COX10: variants seen among roughly 807,000 people sequenced by gnomAD.
The protein encoded by COX10 is protoheme IX farnesyltransferase, mitochondrial.
In COX10, 27 loss-of-function variants were observed where a neutral mutation model predicts 37.3. The observed-to-expected ratio is 0.72, with a 90% CI of 0.53 to 1.00. The LOEUF (loss-of-function observed/expected upper bound fraction) is 1.00. COX10 is among the 50% of genes least tolerant of loss of function. The pLI, the probability that COX10 is intolerant of heterozygous loss-of-function variation, is 0.00. For missense variants in COX10, 475 were observed against 563.2 expected (o/e 0.84, Z 1.59); for synonymous variants, 222 against 229.1 (o/e 0.97, Z 0.28).
At chr17:14,206,146 A>G (rs551370544) in intron 6 of COX10, among the ~76,000 whole-genome samples, 2 of 152,182 alleles carry the variant, frequency 1.3e-5, no homozygotes, top group African/African-American at 4.8e-5. Context: ...AAAGAGGTAA[A>G]CAGATCAGAG....
At chr17:14,141,239 A>AATAT (rs752602579) in intron 4 of COX10, among the ~76,000 whole-genome samples, 7 of 152,064 alleles carry the variant, frequency 4.6e-5, no homozygotes, top group Non-Finnish European at 7.4e-5. Flanking sequence ...TTATACCTAT[A>AATAT]AAGACTACCT....
intron 4 of COX10, among the ~76,000 whole-genome samples, chr17:14,139,196 C>CT (rs985077230): frequency 2.0e-4 from 31 of 151,704 alleles, no homozygotes; most frequent in Non-Finnish European, 3.1e-4. Flanking sequence ...TTGCTCTAGT[C>CT]TTTTTTTTAT....
At chr17:14,140,575 T>C (rs190401250) in intron 4 of COX10, among the ~76,000 whole-genome samples, 1 of 152,250 alleles carries the variant, frequency 6.6e-6, no homozygotes, top group East Asian at 1.9e-4. Flanking sequence ...GAGTTTCTTA[T>C]TGTCTTTCAT....
chr17:14,142,496 T>C (rs1904576332), intron 4 of COX10, among the ~76,000 whole-genome samples: 1 of 152,214 alleles, frequency 6.6e-6, no homozygotes. Flanking sequence ...TTAAAAATAT[T>C]TGCCTGCTTT....
chr17:14,144,143 A>C (rs1332085561), intron 4 of COX10, among the ~76,000 whole-genome samples: 2 of 152,124 alleles, frequency 1.3e-5, no homozygotes, highest in Non-Finnish European at 2.9e-5. Flanking sequence ...TTGTGACCAG[A>C]TGTATATTAT....
intron 4 of COX10, among the ~76,000 whole-genome samples, chr17:14,112,041 G>GC (rs1231216898): frequency 1.3e-5 from 2 of 152,136 alleles, no homozygotes; most frequent in Admixed American, 1.3e-4. Context: ...CTCTGATTGA[G>GC]CGCGTGGCTG....
At position 14,093,883 on chromosome 17, in the gene COX10, T is replaced by TA. The variant is rs1297619540; in HGVS notation, c.500-8234dup. 2.0e-5 allele frequency among the ~76,000 whole-genome samples: 3 copies of TA among 152,228 alleles called. No individual in the cohort carries two copies. The East Asian group carries it at 5.8e-4, about 29-fold the overall frequency. ...TTCTTTTTCTGAAAATGAGTCTTTGTAGTACTTACTAAAGAATATTCTGGC... is the reference window on the plus strand; with the variant it reads ...TTCTTTTTCTGAAAATGAGTCTTTGTAAGTACTTACTAAAGAATATTCTGGC... On this transcript the variant is annotated intron_variant, in intron 3 of 6. Transcript: ENST00000261643.
At chr17:14,104,112 C>T (rs1915841844) in intron 4 of COX10, among the ~76,000 whole-genome samples, 2 of 152,138 alleles carry the variant, frequency 1.3e-5, no homozygotes, top group African/African-American at 4.8e-5. Flanking sequence ...AGTTCCTCAT[C>T]AGTGCTTGTG....
In COX10 at chr17:14,207,101, G is replaced by A. The variant is rs779136126; in HGVS notation, c.1220G>A (p.Ser407Asn). Residue 407 changes from serine to asparagine, a missense_variant, in exon 7 of 7, where the codon AGC (serine) becomes AAC (asparagine). Ser to Asn is a conservative substitution (Grantham distance 46, BLOSUM62 1). Coordinates refer to ENST00000261643, the MANE Select transcript of COX10 (RefSeq NM_001303.4). The part of the protein sequence containing the change: ...FRFYVDADRR[S>N]SRRLFFCSLW... ...TTCTACGTGGACGCAGACCGCAGGA[G>A]CTCGCGGAGACTGTTCTTCTGCAGC... 6.2e-7 allele frequency: 1 copy of A among 1,613,816 alleles called. No individual in the cohort carries two copies. Among genetic ancestry groups the A allele is most frequent in the African/African-American group, 1.3e-5 (1 of 74,932 alleles).
chr17:14,094,813 C>G (rs1189332005), intron 3 of COX10, among the ~76,000 whole-genome samples: 1 of 152,140 alleles, frequency 6.6e-6, no homozygotes. Context: ...GCTTATTAAG[C>G]CCTTATTATT....
At chr17:14,184,813 G>A (rs538369885) in intron 5 of COX10, among the ~76,000 whole-genome samples, 1 of 151,288 alleles carries the variant, frequency 6.6e-6, no homozygotes, top group Admixed American at 6.6e-5. Flanking sequence ...AGCGTATGTA[G>A]CTTGGCCAGA....
rs79195936 is a variant in COX10 at position 14,126,009 on chromosome 17, C to T, written c.624+23767C>T. Among the ~76,000 whole-genome samples the T allele has an allele frequency of 2.4e-4, 36 of 152,228 alleles. 1 individual carries two copies. In the East Asian group the frequency reaches 6.8e-3, roughly 29 times the overall value. ...AAGTGTTTGCCACGGAGAACTCTCT[C>T]TGGGATAGTAAATGCTAATTCAGTG... is the stretch of plus-strand genomic sequence containing the variant. On this transcript the variant is annotated intron_variant, in intron 4 of 6. Coordinates refer to ENST00000261643, the MANE Select transcript of COX10 (RefSeq NM_001303.4).
At chr17:14,181,261 G>C (rs1177887913) in intron 5 of COX10, among the ~76,000 whole-genome samples, 1 of 152,198 alleles carries the variant, frequency 6.6e-6, no homozygotes, top group African/African-American at 2.4e-5. Flanking sequence ...CACGTTCACA[G>C]AATAGATCAG....
chr17:14,207,226 G>A lies in COX10; in HGVS notation c.*13G>A, dbSNP rs371047487. The A allele has an allele frequency of 1.9e-4, 300 of 1,568,060 alleles. No homozygotes were observed. The highest frequency in any genetic ancestry group is 2.4e-4 in the Non-Finnish European group (283 of 1,160,836). The stretch of plus-strand genomic sequence containing the variant: ...CCCTCCCAGCTGAGAGCACTGGGAC[G>A]CCCACCGCCCCTTTCCCTCCGCTGC... On this transcript the variant is annotated 3_prime_UTR_variant, in exon 7 of 7. Coordinates refer to ENST00000261643, the MANE Select transcript of COX10 (RefSeq NM_001303.4).
At chr17:14,094,145 A>T (rs1003060) in intron 3 of COX10, among the ~76,000 whole-genome samples, 30,722 of 152,124 alleles carry the variant, frequency 0.2, 3,279 homozygotes, top group Non-Finnish European at 0.23. Flanking sequence ...AGTAATTTGC[A>T]CATGGTTGTC....
intron 5 of COX10, among the ~76,000 whole-genome samples, chr17:14,179,722 C>T (rs1876216031): frequency 6.6e-6 from 1 of 151,610 alleles, no homozygotes; most frequent in African/African-American, 2.4e-5. Flanking sequence ...TTTGAATTAT[C>T]TATTTTCCAG....
In COX10 at chr17:14,204,120, C is replaced by T. The variant is rs143618875; in HGVS notation, c.929-2690C>T. 4.2e-3 allele frequency among the ~76,000 whole-genome samples: 632 copies of T among 152,270 alleles called. 3 individuals carry two copies. Among genetic ancestry groups the T allele is most frequent in the Non-Finnish European group, 7.3e-3 (496 of 68,026 alleles). On this transcript the variant is annotated intron_variant, in intron 6 of 6. Coordinates refer to ENST00000261643, the MANE Select transcript of COX10 (RefSeq NM_001303.4). ...TTACTACAATATCATTACATACTTTCTGTGTTCTAATGCCTGGAGATTCAC... is the reference window on the plus strand; with the variant it reads ...TTACTACAATATCATTACATACTTTTTGTGTTCTAATGCCTGGAGATTCAC...
At chr17:14,170,787 A>G (rs1348255342) in intron 5 of COX10, among the ~76,000 whole-genome samples, 5 of 152,198 alleles carry the variant, frequency 3.3e-5, no homozygotes, top group African/African-American at 1.2e-4. Context: ...ACTGTACTCC[A>G]GCCTGGGGAA....
At position 14,125,047 on chromosome 17, in the gene COX10, G is replaced by A. The variant is rs562110191; in HGVS notation, c.624+22805G>A. Among the ~76,000 whole-genome samples the A allele has an allele frequency of 8.4e-4, 128 of 152,274 alleles. 2 individuals carry two copies. The South Asian group carries it at 0.023, about 28-fold the overall frequency. ...TCACAAATTGATTTATGAGATGCTG[G>A]TTGGGTTCCTCCCCTAAAATGTGAA... On this transcript the variant is annotated intron_variant, in intron 4 of 6. Coordinates refer to ENST00000261643, the MANE Select transcript of COX10 (RefSeq NM_001303.4).
Sources: gnomAD v4.1 joint callset for allele counts (sites outside exome capture counted in the v4.1 genomes callset) on GRCh38, gnomAD v4.1.1 for gene constraint, MANE v1.5 for transcripts, NCBI Gene and HGNC (gene_info 2026-07-23, HGNC 2026-07-21) for gene names.